Variants in VPS8 observed in about 807,000 individuals in gnomAD.
VPS8 encodes the protein VPS8 subunit of CORVET complex.
Under a neutral mutation model 216.4 loss-of-function variants are expected in VPS8, and 129 were observed. The ratio of observed to expected loss-of-function variants is 0.60; its 90% CI spans 0.52 to 0.69. The LOEUF is 0.69. VPS8 is among the 30% of genes least tolerant of loss of function. VPS8 has a pLI of 0.00. For missense variants in VPS8, 1,531 were observed against 1,683.5 expected (o/e 0.91, Z 1.59); for synonymous variants, 571 against 565.4 (o/e 1.01, Z -0.14).
intron 4 of VPS8, among the ~76,000 whole-genome samples, chr3:184,833,522 A>G (rs1720447388): frequency 6.6e-6 from 1 of 152,128 alleles, no homozygotes; most frequent in African/African-American, 2.4e-5. Context: ...TCAAATAGAT[A>G]ACTTAAATGT....
At chr3:184,812,650 C>T (rs1052361067) in intron 1 of VPS8, 1 of 152,220 alleles carries the variant, frequency 6.6e-6, no homozygotes, top group Admixed American at 6.5e-5. Flanking sequence ...TCCCTATCTA[C>T]TTTGCGACTA....
chr3:184,956,517 T>C (rs1166424625), intron 36 of VPS8, among the ~76,000 whole-genome samples: 1 of 152,248 alleles, frequency 6.6e-6, no homozygotes, highest in Non-Finnish European at 1.5e-5. Flanking sequence ...CAGTTATTTA[T>C]ATAATAATGA....
At chr3:184,992,962 A>G (rs1752104623) in intron 42 of VPS8, among the ~76,000 whole-genome samples, 1 of 152,134 alleles carries the variant, frequency 6.6e-6, no homozygotes, top group East Asian at 1.9e-4. Flanking sequence ...ATTTGCAGCC[A>G]CTAGCATTTG....
At chr3:184,909,185 C>T (rs746563362) in intron 25 of VPS8, among the ~76,000 whole-genome samples, 20 of 152,228 alleles carry the variant, frequency 1.3e-4, no homozygotes, top group Non-Finnish European at 2.4e-4. Flanking sequence ...GTTTTCAAAA[C>T]TACAGTAGAG....
intron 39 of VPS8, among the ~76,000 whole-genome samples, chr3:184,968,496 A>G (rs541077765): frequency 2.7e-4 from 41 of 152,342 alleles, no homozygotes; most frequent in African/African-American, 9.9e-4. Flanking sequence ...CATTCCCACC[A>G]ACAGTACACA....
chr3:184,836,059 C>A (rs1439167965), intron 5 of VPS8, among the ~76,000 whole-genome samples: 1 of 152,176 alleles, frequency 6.6e-6, no homozygotes, highest in East Asian at 1.9e-4. Flanking sequence ...TTACAAGATA[C>A]CACAATTGCA....
intron 37 of VPS8, among the ~76,000 whole-genome samples, chr3:184,961,187 C>G (rs1746442111): frequency 6.6e-6 from 1 of 152,028 alleles, no homozygotes; most frequent in South Asian, 2.1e-4. Context: ...CATTCTCTTC[C>G]CTTATTTTCT....
chr3:184,915,405 A>G lies in VPS8; in HGVS notation c.2313A>G (p.Glu771=), dbSNP rs768633875. 1 of 1,613,968 alleles carries G rather than the reference A, an allele frequency of 6.2e-7. No homozygotes were observed. The highest frequency in any genetic ancestry group is 2.2e-5 in the East Asian group (1 of 44,886). ...RLHSAEASPE[E]EIYPYIRTLL... ...ATTCAGCAGAGGCTTCTCCTGAGGA[A>G]GAAATCTATCCTTACATTCGGACTT... The change falls in exon 28 of 48, where the codon GAA becomes GAG. Residue 771 remains glutamate (E), a synonymous_variant. Transcript: ENST00000625842.
chr3:185,048,033 G>A (rs1234610439), intron 46 of VPS8, among the ~76,000 whole-genome samples: 2 of 152,280 alleles, frequency 1.3e-5, no homozygotes, highest in East Asian at 1.9e-4. Flanking sequence ...CATAGGTGGC[G>A]ACCAGCTTTA....
rs1408869519 is a variant in VPS8, at chr3:184,915,119, T to C, written c.2262+66T>C. 6.4e-6 allele frequency: 10 copies of C among 1,564,038 alleles called. No individual in the cohort carries two copies. The African/African-American group carries it at 1.4e-4, about 21-fold the overall frequency. Reference sequence around the variant, plus strand: ...CTGGTTAAGACGCACTGAAGACAAATTGCAGTTGAGGCTTACACGTGGGTC... The same window carrying C: ...CTGGTTAAGACGCACTGAAGACAAACTGCAGTTGAGGCTTACACGTGGGTC... On this transcript the variant is annotated intron_variant, in intron 27 of 47. Coordinates refer to ENST00000625842, the MANE Select transcript of VPS8 (RefSeq NM_001009921.3).
chr3:184,826,497 G>A (rs1029290501), intron 3 of VPS8, among the ~76,000 whole-genome samples: 10 of 152,170 alleles, frequency 6.6e-5, no homozygotes, highest in South Asian at 2.1e-4. Flanking sequence ...GAGTATTTCC[G>A]TCATCACAGA....
chr3:184,906,552 G>T, intron 25 of VPS8, among the ~76,000 whole-genome samples: 1 of 152,144 alleles, frequency 6.6e-6, no homozygotes, highest in Non-Finnish European at 1.5e-5. Context: ...ATAAATATGG[G>T]GTAATTGAAG....
At chr3:185,049,368 T>A (rs1294858476) in intron 47 of VPS8, among the ~76,000 whole-genome samples, 1 of 152,142 alleles carries the variant, frequency 6.6e-6, no homozygotes, top group African/African-American at 2.4e-5. Flanking sequence ...GAATGATACC[T>A]CTGTCATCCA....
At chr3:184,906,301 TC>T (rs1457972517) in intron 25 of VPS8, among the ~76,000 whole-genome samples, 13 of 152,332 alleles carry the variant, frequency 8.5e-5, no homozygotes, top group Admixed American at 2.0e-4. Flanking sequence ...ATGATTTATA[TC>T]TTTTAAGAAT....
At chr3:184,965,360 A>T (rs1482348082) in intron 38 of VPS8, among the ~76,000 whole-genome samples, 1 of 152,134 alleles carries the variant, frequency 6.6e-6, no homozygotes, top group Non-Finnish European at 1.5e-5. Context: ...TTTTTCTTGC[A>T]ATTTATTTGT....
rs1420809299 is a variant in VPS8, at chr3:184,940,247, T to C, written c.3035+4T>C. The C allele has an allele frequency of 7.1e-7, 1 of 1,414,258 alleles. No individual in the cohort carries two copies. The highest frequency in any genetic ancestry group is 2.7e-5 in the East Asian group (1 of 36,948). 87.6% of individuals were successfully genotyped at this position (1,414,258 alleles called of 1,614,324 possible). A position where few individuals can be genotyped will look rare whatever the true frequency, so the allele number is the denominator to read the frequency against. On this transcript the variant is annotated splice_donor_region_variant and intron_variant, in intron 36 of 47. Coordinates refer to ENST00000625842, the MANE Select transcript of VPS8 (RefSeq NM_001009921.3). ...TGAGGAGTCTTCTTGACCCAAGGTA[T>C]GTTGACAAACTTTAGTCTTTCATTA...
chr3:185,013,383 T>C (rs1755323712), intron 45 of VPS8, among the ~76,000 whole-genome samples: 1 of 152,210 alleles, frequency 6.6e-6, no homozygotes, highest in African/African-American at 2.4e-5. Context: ...ATCTGCAGAC[T>C]ATACAAAGAC....
At chr3:184,972,930 A>G (rs1320626125) in intron 40 of VPS8, among the ~76,000 whole-genome samples, 1 of 152,186 alleles carries the variant, frequency 6.6e-6, no homozygotes, top group Non-Finnish European at 1.5e-5. Flanking sequence ...GGTTAATTAT[A>G]TATCTATATT....
At position 184,867,857 on chromosome 3, in the gene VPS8, A is replaced by G. The variant is rs949640596; in HGVS notation, c.1471-167A>G. 2.6e-5 allele frequency among the ~76,000 whole-genome samples: 4 copies of G among 152,198 alleles called. No homozygotes were observed. In the South Asian group the frequency reaches 6.2e-4, roughly 24 times the overall value. ...CGAGACTCTGTCTCAAAAAAAAGAA[A>G]AGCGTTCTTGAAGACCCATTAGTAA... is the stretch of plus-strand genomic sequence containing the variant. On this transcript the variant is annotated intron_variant, in intron 17 of 47. Coordinates refer to ENST00000625842, the MANE Select transcript of VPS8 (RefSeq NM_001009921.3).
Sources: allele counts gnomAD v4.1 joint callset (sites outside exome capture counted in the v4.1 genomes callset), GRCh38; gene constraint gnomAD v4.1.1; transcripts MANE v1.5; gene names NCBI Gene and HGNC (gene_info 2026-07-23, HGNC 2026-07-21).